PCDH15: variants seen among roughly 807,000 people sequenced by gnomAD.
PCDH15 encodes protocadherin related 15.
A neutral mutation model predicts 178.5 loss-of-function variants in PCDH15; 129 were observed. The ratio of observed to expected loss-of-function variants is 0.72; its 90% CI spans 0.63 to 0.84. The LOEUF (loss-of-function observed/expected upper bound fraction) is 0.84. PCDH15 is among the 40% of genes least tolerant of loss of function. The probability of loss-of-function intolerance (pLI) is 0.00; values close to 1 mark genes in which losing one functional copy is unlikely to be tolerated. For synonymous variants in PCDH15, 800 were observed against 732.0 expected (o/e 1.09, Z -1.50); for missense variants, 2,230 against 2,099.9 (o/e 1.06, Z -1.21).
chr10:55,362,835 C>T (rs1845262344), intron 2 of PCDH15, among the ~76,000 whole-genome samples: 1 of 152,262 alleles, frequency 6.6e-6, no homozygotes, highest in African/African-American at 2.4e-5. Context: ...TTCTTTATCT[C>T]TATAATTTGG....
rs150843145 is a variant in PCDH15, at chr10:55,384,897, T to C, written c.-155-218246A>G. ...CATGTTAATTTACTAACAAGCACAA[T>C]TGAAAGCAGAGACAAAAATAAACTC... On this transcript the variant is annotated intron_variant, in intron 2 of 5. Coordinates refer to the PCDH15 transcript ENST00000613346. 3.8e-3 allele frequency among the ~76,000 whole-genome samples: 573 copies of C among 152,196 alleles called. 4 individuals carry two copies. The highest frequency in any genetic ancestry group is 0.011 in the African/African-American group (474 of 41,552).
chr10:55,096,979 C>G (rs942076678), intron 2 of PCDH15, among the ~76,000 whole-genome samples: 1 of 152,044 alleles, frequency 6.6e-6, no homozygotes, highest in African/African-American at 2.4e-5. Context: ...TTGCTAATAC[C>G]TGTCACAAGA....
At chr10:55,555,116 T>C (rs539553431) in intron 2 of PCDH15, among the ~76,000 whole-genome samples, 15 of 152,118 alleles carry the variant, frequency 9.9e-5, no homozygotes, top group Non-Finnish European at 1.9e-4. Context: ...TAAAACAATC[T>C]TTGGGATCAT....
chr10:55,328,938 AT>A (rs1475385245), intron 2 of PCDH15, among the ~76,000 whole-genome samples: 11 of 133,728 alleles, frequency 8.2e-5, no homozygotes, highest in East Asian at 2.1e-4. Flanking sequence ...ATATATATAT[AT>A]ATATATATAT....
chr10:54,645,395 G>T (rs1409351482), intron 2 of PCDH15, among the ~76,000 whole-genome samples: 1 of 151,796 alleles, frequency 6.6e-6, no homozygotes, highest in East Asian at 1.9e-4. Flanking sequence ...AGAAAATGAA[G>T]AATGGAGATA....
chr10:55,010,811 G>A (rs1019795592), intron 2 of PCDH15, among the ~76,000 whole-genome samples: 1 of 148,698 alleles, frequency 6.7e-6, no homozygotes, highest in African/African-American at 2.5e-5. Flanking sequence ...AAAAAAAAAG[G>A]TATTTATATC....
At chr10:54,860,559 G>A (rs184602950) in intron 3 of PCDH15, among the ~76,000 whole-genome samples, 2 of 152,184 alleles carry the variant, frequency 1.3e-5, no homozygotes, top group African/African-American at 4.8e-5. Flanking sequence ...CCTCTGATGG[G>A]CACCTGGATT....
intron 21 of PCDH15, among the ~76,000 whole-genome samples, chr10:53,967,735 T>A (rs968522017): frequency 2.6e-5 from 4 of 152,214 alleles, no homozygotes; most frequent in African/African-American, 9.6e-5. Flanking sequence ...TTAAAATCAA[T>A]ATGAAAATTT....
At chr10:55,166,885 A>G (rs965482490) in intron 1 of PCDH15, among the ~76,000 whole-genome samples, 4 of 152,166 alleles carry the variant, frequency 2.6e-5, no homozygotes, top group African/African-American at 9.7e-5. Flanking sequence ...CTTAGAATGC[A>G]TATCTATGCC....
chr10:53,998,731 C>T (rs1231737017), intron 20 of PCDH15, among the ~76,000 whole-genome samples: 1 of 152,044 alleles, frequency 6.6e-6, no homozygotes, highest in Non-Finnish European at 1.5e-5. Flanking sequence ...AAAGTTCTAA[C>T]TAGTTGGAAC....
At chr10:55,032,711 G>A (rs143219878) in intron 2 of PCDH15, among the ~76,000 whole-genome samples, 5 of 152,262 alleles carry the variant, frequency 3.3e-5, no homozygotes, top group African/African-American at 9.6e-5. Context: ...TTGGATAGAC[G>A]GGTGCCAGGT....
intron 8 of PCDH15, among the ~76,000 whole-genome samples, chr10:54,259,998 G>A (rs572643499): frequency 1.5e-4 from 23 of 152,194 alleles, no homozygotes; most frequent in Middle Eastern, 3.4e-3. Flanking sequence ...GAGCACAGCC[G>A]CTAAATTTAT....
At chr10:54,351,945 G>A (rs145004460) in intron 5 of PCDH15, among the ~76,000 whole-genome samples, 2,616 of 152,230 alleles carry the variant, frequency 0.017, 26 homozygotes, top group Non-Finnish European at 0.026. Flanking sequence ...GAAACCGATG[G>A]TATGCTGTTC....
intron 21 of PCDH15, among the ~76,000 whole-genome samples, chr10:53,983,869 A>G (rs2090878547): frequency 6.6e-6 from 1 of 152,042 alleles, no homozygotes; most frequent in Admixed American, 6.6e-5. Context: ...TGTCTTCACA[A>G]TCTACAAGAT....
chr10:54,001,956 C>G (rs2456700), intron 20 of PCDH15, among the ~76,000 whole-genome samples: 5,755 of 151,366 alleles, frequency 0.038, 274 homozygotes, highest in African/African-American at 0.12. Flanking sequence ...GATTTCAAGA[C>G]AAAAACTACA....
At position 55,459,775 on chromosome 10, in the gene PCDH15, T is replaced by C. The variant is rs574116080; in HGVS notation, c.-156+167850A>G. ...TGGGCAAATGGTTAATGTTGGTGAG[T>C]TTAAGAAATCTGGAAGACCTTAGCA... On this transcript the variant is annotated intron_variant, in intron 2 of 5. Transcript: ENST00000613346. Among the ~76,000 whole-genome samples the C allele has an allele frequency of 4.5e-4, 68 of 152,024 alleles. 1 individual carries two copies. Among genetic ancestry groups the C allele is most frequent in the Non-Finnish European group, 6.8e-4 (46 of 67,946 alleles).
intron 8 of PCDH15, among the ~76,000 whole-genome samples, chr10:54,255,885 G>A (rs1320406071): frequency 6.6e-6 from 1 of 152,114 alleles, no homozygotes; most frequent in Non-Finnish European, 1.5e-5. Flanking sequence ...AGTTGCCCTA[G>A]AGAAAAAGAC....
At chr10:54,952,765 G>A (rs1838378484) in intron 2 of PCDH15, among the ~76,000 whole-genome samples, 1 of 151,560 alleles carries the variant, frequency 6.6e-6, no homozygotes, top group Non-Finnish European at 1.5e-5. Flanking sequence ...TATGTCAATA[G>A]CATCATGTTT....
At chr10:55,309,903 G>C (rs375484326) in intron 1 of PCDH15, among the ~76,000 whole-genome samples, 1 of 152,056 alleles carries the variant, frequency 6.6e-6, no homozygotes, top group African/African-American at 2.4e-5. Flanking sequence ...TCTTCATGTT[G>C]CTTGACTTAT....
Sources: allele counts gnomAD v4.1 joint callset (sites outside exome capture counted in the v4.1 genomes callset), GRCh38; gene constraint gnomAD v4.1.1; transcripts MANE v1.5; gene names NCBI Gene and HGNC (gene_info 2026-07-23, HGNC 2026-07-21).